The following MBP variants were observed in gnomAD, a reference collection of about 807,000 sequenced individuals.
The protein encoded by MBP is Golli-MBP.
In MBP, 16 loss-of-function variants were observed where a neutral mutation model predicts 35.8. That is an observed-to-expected ratio of 0.45 (90% CI 0.30 to 0.68). The LOEUF (loss-of-function observed/expected upper bound fraction) is 0.68. Ranked by LOEUF, MBP falls within the 30% of genes least tolerant of loss-of-function variation. The probability of loss-of-function intolerance (pLI) is 0.08; values close to 1 mark genes in which losing one functional copy is unlikely to be tolerated. For synonymous variants in MBP, 143 were observed against 159.6 expected, an observed-to-expected ratio of 0.90 and a Z score of 0.78; for missense variants, 380 against 404.7, an observed-to-expected ratio of 0.94 and a Z score of 0.52.
At chr18:77,099,044 A>G (rs1014239046) in intron 2 of MBP, among the ~76,000 whole-genome samples, 3 of 150,518 alleles carry the variant, frequency 2.0e-5, no homozygotes, top group Admixed American at 6.6e-5. Context: ...ATCGACCCCA[A>G]CTCACTTCAT....
intron 1 of MBP, among the ~76,000 whole-genome samples, chr18:77,123,150 C>G (rs1976941026): frequency 6.6e-6 from 1 of 152,170 alleles, no homozygotes; most frequent in Non-Finnish European, 1.5e-5. Flanking sequence ...GGTACGTTTG[C>G]TGTATGTGAG....
rs1358586289 is a variant in MBP at position 77,131,067 on chromosome 18, ACACGCGCGCACG to A, written c.-26+1501_-26+1512del. ...CAAAACCTCAAAAAACAAAACACAC[ACACGCGCGCACG>A]CACGCGCACACACACACACACACAC... On this transcript the variant is annotated intron_variant, in intron 1 of 8. Transcript: ENST00000355994. This position sits in a 1 kb window ranked among gnomAD's most constrained non-coding sequence, Gnocchi z 5.5. Among the ~76,000 whole-genome samples the A allele has an allele frequency of 2.7e-3, 144 of 53,298 alleles. 3 individuals carry two copies. In the East Asian group the frequency reaches 0.068, roughly 25 times the overall value. The allele number at this position is 53,298 out of a possible 152,430, so 35.0% of individuals were successfully genotyped here. A position where few individuals can be genotyped will look rare whatever the true frequency, so the allele number is the denominator to read the frequency against.
intron 3 of MBP, among the ~76,000 whole-genome samples, chr18:77,046,247 T>A (rs751616935): frequency 1.3e-5 from 2 of 152,212 alleles, no homozygotes; most frequent in Admixed American, 1.3e-4. Flanking sequence ...ATGAGGCTAT[T>A]ACTCTGCCTA....
chr18:77,019,315 G>A (rs1157832538), intron 3 of MBP, among the ~76,000 whole-genome samples: 1 of 152,194 alleles, frequency 6.6e-6, no homozygotes, highest in African/African-American at 2.4e-5. Flanking sequence ...GGAATCAAGT[G>A]AAGATGAGGT....
chr18:77,025,549 G>C (rs1407868632), intron 3 of MBP, among the ~76,000 whole-genome samples: 1 of 152,082 alleles, frequency 6.6e-6, no homozygotes, highest in Non-Finnish European at 1.5e-5. Context: ...ACCTCCAACA[G>C]TATGAAGCTC....
intron 2 of MBP, among the ~76,000 whole-genome samples, chr18:77,074,776 T>A (rs1205057097): frequency 6.6e-6 from 1 of 152,218 alleles, no homozygotes; most frequent in African/African-American, 2.4e-5. Context: ...TATAATTGCA[T>A]AACTGTTGGA....
chr18:76,989,729 T>C lies in MBP; in HGVS notation c.681+227A>G, dbSNP rs1317323866. 11 of 516,164 alleles carry C rather than the reference T, an allele frequency of 2.1e-5. No individual in the cohort carries two copies. In the East Asian group the frequency reaches 2.9e-4, roughly 14 times the overall value. 32.0% of individuals were successfully genotyped at this position (516,164 alleles called of 1,614,324 possible). On this transcript the variant is annotated intron_variant, in intron 5 of 8. Transcript: ENST00000355994. This position sits in a 1 kb window ranked among gnomAD's most constrained non-coding sequence, Gnocchi z 4.0. ...CTAATCTCAAGAGAAGTGAGCTCTC[T>C]GGAGAACGCACGGAGCGCACGGTGC...
At chr18:77,021,973 T>C (rs1221676693) in intron 3 of MBP, among the ~76,000 whole-genome samples, 3 of 152,142 alleles carry the variant, frequency 2.0e-5, no homozygotes, top group Non-Finnish European at 2.9e-5. Context: ...GCACCAGTTC[T>C]GGGGGTGGTG....
chr18:76,986,517 T>C (rs1969566493), intron 7 of MBP: 1 of 985,298 alleles, frequency 1.0e-6, no homozygotes, highest in African/African-American at 1.7e-5. Flanking sequence ...TGCTTGGGAG[T>C]GAGCATGGCC....
chr18:77,093,750 A>G (rs1975637339), intron 2 of MBP, among the ~76,000 whole-genome samples: 1 of 152,158 alleles, frequency 6.6e-6, no homozygotes, highest in African/African-American at 2.4e-5. Flanking sequence ...ATTCACAAGA[A>G]ATTCCCACGG....
At chr18:77,012,246 G>A (rs1971395391) in intron 4 of MBP, among the ~76,000 whole-genome samples, 1 of 152,138 alleles carries the variant, frequency 6.6e-6, no homozygotes, top group Admixed American at 6.5e-5. Context: ...GTGTCTCGAG[G>A]TTCCCATGAC....
Position 77,077,862 on chromosome 18 carries a change from T to C in MBP, c.52-11477A>G, listed in dbSNP as rs920569919. 7.9e-5 allele frequency among the ~76,000 whole-genome samples: 12 copies of C among 152,192 alleles called. 1 individual carries two copies. The highest frequency in any genetic ancestry group is 4.1e-4 in the South Asian group (2 of 4,830). ...CTTAACCAGGATCACCAAGGGAGGATTGCTATTTTAATTCGGGGAGAGTGC... is the reference window on the plus strand; with the variant it reads ...CTTAACCAGGATCACCAAGGGAGGACTGCTATTTTAATTCGGGGAGAGTGC... On this transcript the variant is annotated intron_variant, in intron 2 of 8. Coordinates refer to ENST00000355994, the MANE Select transcript of MBP (RefSeq NM_001025101.2).
intron 2 of MBP, among the ~76,000 whole-genome samples, chr18:77,100,508 GGTGTGTGTGTGTGTGT>G (rs57715344): frequency 7.5e-5 from 10 of 133,606 alleles, no homozygotes; most frequent in East Asian, 2.0e-4. Context: ...TAGAATTTGG[GGTGTGTGTGTGTGTGT>G]GTGTGTGTGT....
In MBP at chr18:77,015,625, G is replaced by C. The variant is rs142844021; in HGVS notation, c.576+1207C>G. ...TGTCACAACCTGAAATCTCAACTCA[G>C]ACAGATGGTAGAGATGTTAACAGTT... On this transcript the variant is annotated intron_variant, in intron 4 of 8. Transcript: ENST00000355994. 3,939 of 985,344 alleles carry C rather than the reference G, an allele frequency of 4.0e-3. 8 individuals are homozygous for C. Among genetic ancestry groups the C allele is most frequent in the Admixed American group, 4.5e-3 (73 of 16,288 alleles). 61.0% of individuals were successfully genotyped at this position (985,344 alleles called of 1,614,324 possible).
At chr18:77,096,744 G>A (rs1258772961) in intron 2 of MBP, among the ~76,000 whole-genome samples, 1 of 152,140 alleles carries the variant, frequency 6.6e-6, no homozygotes. Flanking sequence ...GTTAGGTTTT[G>A]GAATGTTTTG....
rs190218268 is a variant in MBP at position 77,128,540 on chromosome 18, C to T, written c.-26+4040G>A. Among the ~76,000 whole-genome samples, 38 of 152,096 alleles carry T rather than the reference C, an allele frequency of 2.5e-4. No individual in the cohort carries two copies. The East Asian group carries it at 6.9e-3, about 28-fold the overall frequency. ...TGCATACCACACACACACACACACA[C>T]ACACACACACAGAGCAGTCTATAAA... On this transcript the variant is annotated intron_variant, in intron 1 of 8. Transcript: ENST00000355994.
chr18:76,999,442 C>T (rs1970513556), intron 4 of MBP, among the ~76,000 whole-genome samples: 1 of 151,768 alleles, frequency 6.6e-6, no homozygotes, highest in African/African-American at 2.4e-5. Context: ...AGAAAGGGTT[C>T]CTGCTGTTTA....
At chr18:76,980,725 C>T (rs1034690174) in intron 8 of MBP, 5 of 522,874 alleles carry the variant, frequency 9.6e-6, no homozygotes, top group African/African-American at 7.7e-5. Flanking sequence ...TGGTGCCTGG[C>T]ATAACCACTG....
intron 4 of MBP, chr18:77,014,386 A>T: frequency 1.0e-6 from 1 of 985,384 alleles, no homozygotes; most frequent in African/African-American, 1.7e-5. Context: ...GTCTGGCAGG[A>T]ATCTGCCAGG....
Sources: allele counts gnomAD v4.1 joint callset (sites outside exome capture counted in the v4.1 genomes callset), GRCh38; gene constraint gnomAD v4.1.1; non-coding constraint Gnocchi (gnomAD v3.1); transcripts MANE v1.5; gene names NCBI Gene and HGNC (gene_info 2026-07-23, HGNC 2026-07-21).